The following CHLSN variants were observed in gnomAD, a reference collection of about 807,000 sequenced individuals.
The protein encoded by CHLSN is cholesin.
the CHLSN span, among the ~76,000 whole-genome samples, chr7:1,127,749 T>C: frequency 8.1e-5 from 5 of 62,078 alleles, no homozygotes; most frequent in East Asian, 1.5e-3. Flanking sequence ...AGTGGCGCGA[T>C]CTCAGCTCAT....
At chr7:1,054,012 G>C in the CHLSN span, among the ~76,000 whole-genome samples, 1 of 152,226 alleles carries the variant, frequency 6.6e-6, no homozygotes, top group Non-Finnish European at 1.5e-5. Context: ...GCGTGGCCGA[G>C]GAAGGGGTTT....
the CHLSN span, among the ~76,000 whole-genome samples, chr7:1,090,406 G>A: frequency 6.6e-6 from 1 of 152,172 alleles, no homozygotes; most frequent in East Asian, 1.9e-4. Flanking sequence ...CCCCACTGGC[G>A]GCAGAGCCGG....
chr7:1,075,785 TG>T, the CHLSN span, among the ~76,000 whole-genome samples: 1 of 151,656 alleles, frequency 6.6e-6, no homozygotes, highest in African/African-American at 2.4e-5. Flanking sequence ...GCTAATTTTT[TG>T]TATTTTTAGT....
the CHLSN span, among the ~76,000 whole-genome samples, chr7:1,033,791 C>T: frequency 6.6e-6 from 1 of 152,066 alleles, no homozygotes; most frequent in South Asian, 2.1e-4. Context: ...CCCAGGAAAT[C>T]GGTAATGGGG....
chr7:1,039,569 C>T, the CHLSN span, among the ~76,000 whole-genome samples: 3 of 56,444 alleles, frequency 5.3e-5, 1 homozygote, highest in African/African-American at 3.7e-4. Flanking sequence ...CCCCCCCGCC[C>T]GGCCAGCCGC....
At chr7:1,008,125 C>A in the CHLSN span, among the ~76,000 whole-genome samples, 1 of 152,216 alleles carries the variant, frequency 6.6e-6, no homozygotes, top group Non-Finnish European at 1.5e-5. Context: ...TGGAGACAGG[C>A]AAGGTGCAGG....
At chr7:1,065,660 G>A in the CHLSN span, among the ~76,000 whole-genome samples, 2 of 152,326 alleles carry the variant, frequency 1.3e-5, no homozygotes, top group East Asian at 1.9e-4. Context: ...CTGGGAGGGC[G>A]TGGGCCAGGG....
chr7:1,032,356 A>G, the CHLSN span, among the ~76,000 whole-genome samples: 1 of 152,232 alleles, frequency 6.6e-6, no homozygotes, highest in African/African-American at 2.4e-5. Flanking sequence ...CTGTCTGCCA[A>G]ATCACTTTCG....
chr7:1,017,877 A>G, the CHLSN span, among the ~76,000 whole-genome samples: 1 of 152,232 alleles, frequency 6.6e-6, no homozygotes. Context: ...CCTTGGTGGG[A>G]TGGCGCCTCG....
chr7:1,134,921 C>T, the CHLSN span, among the ~76,000 whole-genome samples: 640 of 152,180 alleles, frequency 4.2e-3, 6 homozygotes, highest in African/African-American at 0.015. Context: ...ATCTACCTGC[C>T]CTGTCTCTGA....
chr7:1,113,236 T>C, the CHLSN span, among the ~76,000 whole-genome samples: 2 of 151,536 alleles, frequency 1.3e-5, no homozygotes, highest in African/African-American at 2.4e-5. Context: ...TTACTAAGAA[T>C]CTACCGTTAT....
chr7:986,832 T>C, the CHLSN span: 3 of 1,487,280 alleles, frequency 2.0e-6, no homozygotes, highest in Admixed American at 6.9e-5. Context: ...TGAAGGCCTG[T>C]AGGGGTCCTG....
chr7:1,039,075 CT>C, the CHLSN span, among the ~76,000 whole-genome samples: 10 of 79,672 alleles, frequency 1.3e-4, no homozygotes, highest in East Asian at 3.6e-4. Context: ...GTCAGCCCCC[CT>C]GCCCGGCCAG....
chr7:996,148 C>G, the CHLSN span, among the ~76,000 whole-genome samples: 1 of 152,206 alleles, frequency 6.6e-6, no homozygotes, highest in African/African-American at 2.4e-5. Flanking sequence ...GTGCAGGCCC[C>G]GAGGGCCACG....
At chr7:1,131,909 C>T in the CHLSN span, among the ~76,000 whole-genome samples, 4 of 152,238 alleles carry the variant, frequency 2.6e-5, no homozygotes, top group East Asian at 1.9e-4. Flanking sequence ...TGGAAAATGA[C>T]GTTTACTTTC....
the CHLSN span, among the ~76,000 whole-genome samples, chr7:1,001,653 GT>G: frequency 4.7e-5 from 6 of 127,042 alleles, no homozygotes; most frequent in Non-Finnish European, 3.3e-5. Flanking sequence ...CTGTGGGTGA[GT>G]GGAGTCCTGT....
At chr7:1,076,754 C>T in the CHLSN span, among the ~76,000 whole-genome samples, 1 of 152,244 alleles carries the variant, frequency 6.6e-6, no homozygotes, top group East Asian at 1.9e-4. Flanking sequence ...TCTTCCCAGC[C>T]CAGCGCCACA....
the CHLSN span, among the ~76,000 whole-genome samples, chr7:1,099,857 C>T: frequency 2.0e-5 from 3 of 152,208 alleles, no homozygotes; most frequent in African/African-American, 4.8e-5. Context: ...GACAAGGGTA[C>T]GTCATTCAGG....
chr7:1,127,351 G>C, the CHLSN span: 1 of 1,608,028 alleles, frequency 6.2e-7, no homozygotes, highest in Non-Finnish European at 8.5e-7. Context: ...CTTTTTCTCT[G>C]TCACTTCAGG....
Sources: allele counts gnomAD v4.1 joint callset (sites outside exome capture counted in the v4.1 genomes callset), GRCh38; gene constraint gnomAD v4.1.1; transcripts MANE v1.5; gene names NCBI Gene and HGNC (gene_info 2026-07-23, HGNC 2026-07-21).